The following MTAP variants were observed in gnomAD, a reference collection of about 807,000 sequenced individuals.
MTAP encodes the protein S-methyl-5'-thioadenosine phosphorylase.
In MTAP, 33 loss-of-function variants were observed where a neutral mutation model predicts 33.6. That is an observed-to-expected ratio of 0.98 (90% CI 0.74 to 1.31). MTAP has a LOEUF of 1.31. Ranked by LOEUF, MTAP falls within the 40% of genes most tolerant of loss-of-function variation. The pLI is 0.00. For synonymous variants in MTAP, 148 were observed against 125.7 expected (o/e 1.18, Z -1.19); for missense variants, 367 against 360.0 (o/e 1.02, Z -0.16).
At chr9:21,907,348 G>C (rs537661990) in intron 1 of MTAP, among the ~76,000 whole-genome samples, 2 of 152,324 alleles carry the variant, frequency 1.3e-5, no homozygotes, top group East Asian at 3.9e-4. Flanking sequence ...CTTGAGCTCA[G>C]GAGTTCAAGA....
chr9:21,938,684 T>C (rs776220425), downstream of MTAP, among the ~76,000 whole-genome samples: 26 of 152,204 alleles, frequency 1.7e-4, no homozygotes, highest in Non-Finnish European at 3.4e-4. Flanking sequence ...TGCATTATAA[T>C]GAACTTTCAT....
chr9:21,931,319 A>G, downstream of MTAP: 1 of 577,316 alleles, frequency 1.7e-6, no homozygotes, highest in Non-Finnish European at 3.1e-6. Flanking sequence ...TGCGGGGGAA[A>G]ATGTTAGAGT....
intron 7 of MTAP, chr9:21,860,601 T>C (rs1389805572): frequency 1.3e-5 from 2 of 152,200 alleles, no homozygotes; most frequent in Non-Finnish European, 2.9e-5. Flanking sequence ...ACCCTTATTA[T>C]TAGAATTAAA....
chr9:21,887,681 C>T (rs1818135585), intron 1 of MTAP, among the ~76,000 whole-genome samples: 3 of 152,170 alleles, frequency 2.0e-5, no homozygotes, highest in South Asian at 2.1e-4. Context: ...CCTGAAGAAT[C>T]GCCACACTGA....
At chr9:21,805,269 G>T (rs1824181298) in intron 1 of MTAP, among the ~76,000 whole-genome samples, 2 of 152,338 alleles carry the variant, frequency 1.3e-5, no homozygotes, top group South Asian at 4.1e-4. Context: ...GCAAGTGAAA[G>T]ATTCCACTGA....
intron 1 of MTAP, among the ~76,000 whole-genome samples, chr9:21,897,251 A>G (rs1818311528): frequency 1.3e-5 from 2 of 152,214 alleles, no homozygotes; most frequent in South Asian, 2.1e-4. Context: ...AGAGCTATTT[A>G]TGACAAACCC....
intron 1 of MTAP, among the ~76,000 whole-genome samples, chr9:21,875,828 G>A (rs1054537308): frequency 4.6e-5 from 7 of 151,914 alleles, no homozygotes; most frequent in African/African-American, 1.7e-4. Flanking sequence ...TGTCTTTGCT[G>A]TTGTGAGTAG....
intron 4 of MTAP, among the ~76,000 whole-genome samples, chr9:21,836,663 CT>C (rs1587231115): frequency 6.6e-6 from 1 of 152,322 alleles, no homozygotes; most frequent in East Asian, 1.9e-4. Context: ...GTCATTTGAC[CT>C]GTTCTTCAAC....
chr9:21,928,069 C>A (rs1472595842), intron 1 of MTAP, among the ~76,000 whole-genome samples: 1 of 152,170 alleles, frequency 6.6e-6, no homozygotes, highest in African/African-American at 2.4e-5. Flanking sequence ...TCCCCTCTCT[C>A]CCCAGTGAAC....
intron 1 of MTAP, among the ~76,000 whole-genome samples, chr9:21,898,502 C>G (rs1018684232): frequency 6.6e-6 from 1 of 152,154 alleles, no homozygotes; most frequent in Non-Finnish European, 1.5e-5. Context: ...GGGCTAATAT[C>G]CAGAATCTAC....
intron 4 of MTAP, among the ~76,000 whole-genome samples, chr9:21,821,509 C>T (rs181935818): frequency 0.063 from 9,596 of 152,208 alleles, 1,029 homozygotes; most frequent in African/African-American, 0.22. Flanking sequence ...TTTTGATGTG[C>T]TGCTGGATTC....
At chr9:21,891,086 G>C (rs1432213914) in intron 1 of MTAP, among the ~76,000 whole-genome samples, 2 of 152,020 alleles carry the variant, frequency 1.3e-5, no homozygotes, top group African/African-American at 2.4e-5. Context: ...AGGTTATCTG[G>C]CCATAGTCAA....
chr9:21,821,511 G>T (rs1824638396), intron 4 of MTAP, among the ~76,000 whole-genome samples: 1 of 152,178 alleles, frequency 6.6e-6, no homozygotes. Flanking sequence ...TTGATGTGCT[G>T]CTGGATTCAG....
At chr9:21,927,432 CTTG>C (rs756113039) in intron 1 of MTAP, among the ~76,000 whole-genome samples, 4 of 152,118 alleles carry the variant, frequency 2.6e-5, no homozygotes, top group Non-Finnish European at 5.9e-5. Flanking sequence ...ACTACCAAGT[CTTG>C]TTGTCAGAAA....
downstream of MTAP, chr9:21,867,118 G>C (rs1361869509): frequency 6.6e-6 from 1 of 151,956 alleles, no homozygotes; most frequent in African/African-American, 2.4e-5. Flanking sequence ...AGTGCCTTAG[G>C]GATACCTTGT....
chr9:21,859,636 G>T, intron 7 of MTAP: 1 of 444,806 alleles, frequency 2.2e-6, no homozygotes, highest in Non-Finnish European at 3.9e-6. Flanking sequence ...TGAAGGCTAG[G>T]GTTGAGAGAG....
chr9:21,901,565 T>G (rs1359886359), intron 1 of MTAP, among the ~76,000 whole-genome samples: 2 of 152,106 alleles, frequency 1.3e-5, no homozygotes, highest in African/African-American at 4.8e-5. Flanking sequence ...ATAAAACCTA[T>G]AAACGAGCTT....
chr9:21,864,022 T>A lies in MTAP; in HGVS notation c.*2008T>A. 1.0e-6 allele frequency: 1 copy of A among 985,644 alleles called. No individual in the cohort carries two copies. Among genetic ancestry groups the A allele is most frequent in the Non-Finnish European group, 1.2e-6 (1 of 829,934 alleles). 61.1% of individuals were successfully genotyped at this position (985,644 alleles called of 1,614,324 possible). ...CTAGCTCTGGTAACGTGTGATTGTT[T>A]TCACTACAATATGATACATAGATGG... On this transcript the variant is annotated 3_prime_UTR_variant, in exon 8 of 8. Coordinates refer to ENST00000644715, the MANE Select transcript of MTAP (RefSeq NM_002451.4).
intron 4 of MTAP, among the ~76,000 whole-genome samples, chr9:21,818,543 G>A (rs962256705): frequency 6.6e-6 from 1 of 152,036 alleles, no homozygotes; most frequent in Non-Finnish European, 1.5e-5. Context: ...GGTCAGGCTG[G>A]TCTTGAATCA....
Sources: allele counts gnomAD v4.1 joint callset (sites outside exome capture counted in the v4.1 genomes callset), GRCh38; gene constraint gnomAD v4.1.1; transcripts MANE v1.5; gene names NCBI Gene and HGNC (gene_info 2026-07-23, HGNC 2026-07-21).